Variants in TGM4 observed in about 807,000 individuals in gnomAD.
TGM4 encodes the protein transglutaminase 4.
In TGM4, 61 loss-of-function variants were observed where a neutral mutation model predicts 76.3. That is an observed-to-expected ratio of 0.80 (90% CI 0.65 to 0.99). The LOEUF (loss-of-function observed/expected upper bound fraction) is 0.99, where lower values mean the gene tolerates loss of function less well. Ranked by LOEUF, TGM4 falls within the 50% of genes least tolerant of loss-of-function variation. The probability of loss-of-function intolerance (pLI) is 0.00; values close to 1 mark genes in which losing one functional copy is unlikely to be tolerated. For synonymous variants in TGM4, 337 were observed against 329.8 expected (o/e 1.02, Z -0.24); for missense variants, 794 against 843.2 (o/e 0.94, Z 0.72).
intron 10 of TGM4, among the ~76,000 whole-genome samples, chr3:44,909,743 T>C (rs796757179): frequency 1.5e-4 from 23 of 152,344 alleles, no homozygotes; most frequent in African/African-American, 5.3e-4. Context: ...TTACTGAGAT[T>C]GTGCTGTTTT....
chr3:44,887,331 G>A (rs60919948), intron 2 of TGM4, among the ~76,000 whole-genome samples: 45,535 of 152,086 alleles, frequency 0.3, 8,106 homozygotes, highest in East Asian at 0.82. Context: ...CCCCTGCATT[G>A]CGTGGAGTGA....
At chr3:44,887,268 G>A (rs1699620263) in intron 2 of TGM4, among the ~76,000 whole-genome samples, 1 of 152,246 alleles carries the variant, frequency 6.6e-6, no homozygotes, top group Non-Finnish European at 1.5e-5. Context: ...ACAGCTTGCA[G>A]GGTAGGCGGT....
rs557718516 is a variant in TGM4, at chr3:44,885,747, G to A, written c.193+249G>A. On this transcript the variant is annotated intron_variant, in intron 2 of 13. Coordinates refer to ENST00000296125, the MANE Select transcript of TGM4 (RefSeq NM_003241.4). ...CAGGGGAGGGGCCAGAGCAGAGAGA[G>A]GAGGTGACTCAGCGGGCATCTGCCG... is the stretch of plus-strand genomic sequence containing the variant. Among the ~76,000 whole-genome samples, 2 of 152,306 alleles carry A rather than the reference G, an allele frequency of 1.3e-5. 1 individual carries two copies. Among genetic ancestry groups the A allele is most frequent in the South Asian group, 4.1e-4 (2 of 4,826 alleles).
Position 44,887,654 on chromosome 3 carries a change from T to A in TGM4, c.194-35T>A, listed in dbSNP as rs376363903. 146 of 1,593,746 alleles carry A rather than the reference T, an allele frequency of 9.2e-5. No individual in the cohort carries two copies. The Middle Eastern group carries it at 1.2e-3, about 13-fold the overall frequency. ...AGGAGATTGTCTTGGGGGTGGCCCA[T>A]GGCTGGGCCAATGTTTTCCTTTGGG... On this transcript the variant is annotated intron_variant, in intron 2 of 13. Coordinates refer to ENST00000296125, the MANE Select transcript of TGM4 (RefSeq NM_003241.4).
At chr3:44,884,307 A>G (rs1185164010) in intron 1 of TGM4, among the ~76,000 whole-genome samples, 1 of 152,144 alleles carries the variant, frequency 6.6e-6, no homozygotes, top group African/African-American at 2.4e-5. Flanking sequence ...GAGCCTGGGA[A>G]TGGTTTGAAT....
At chr3:44,908,916 T>A (rs1699963276) in intron 10 of TGM4, among the ~76,000 whole-genome samples, 1 of 152,166 alleles carries the variant, frequency 6.6e-6, no homozygotes, top group Non-Finnish European at 1.5e-5. Flanking sequence ...TTGTTAAAAA[T>A]TGGACATTTT....
At chr3:44,877,162 C>T (rs967719721) in intron 1 of TGM4, among the ~76,000 whole-genome samples, 4 of 151,942 alleles carry the variant, frequency 2.6e-5, no homozygotes, top group Non-Finnish European at 2.9e-5. Flanking sequence ...AAAAATTAGC[C>T]GTGGCCCAGC....
intron 4 of TGM4, among the ~76,000 whole-genome samples, chr3:44,891,000 G>A (rs1186363013): frequency 6.6e-6 from 1 of 152,180 alleles, no homozygotes; most frequent in African/African-American, 2.4e-5. Context: ...ACTGTACAGA[G>A]GCTGCCTTCG....
At chr3:44,878,955 C>T (rs188068268) in intron 1 of TGM4, among the ~76,000 whole-genome samples, 11 of 152,176 alleles carry the variant, frequency 7.2e-5, no homozygotes, top group East Asian at 1.9e-4. Flanking sequence ...CAAGACTCCG[C>T]GTCTCTAAAC....
chr3:44,902,636 A>T (rs994172209), intron 8 of TGM4, among the ~76,000 whole-genome samples: 2 of 144,098 alleles, frequency 1.4e-5, no homozygotes, highest in South Asian at 4.8e-4. Flanking sequence ...AACAAAAAAA[A>T]TGCAGATTCC....
At chr3:44,887,932 G>A in intron 3 of TGM4, 137 bp downstream of exon 3, 1 of 726,760 alleles carries the variant, frequency 1.4e-6, no homozygotes, top group Non-Finnish European at 2.3e-6. Context: ...CATGATAGAG[G>A]GGCCATGGCT....
chr3:44,896,874 T>C, intron 6 of TGM4, 58 bp downstream of exon 6: 1 of 1,479,120 alleles, frequency 6.8e-7, no homozygotes, highest in Non-Finnish European at 9.4e-7. Context: ...CTCAGCCTTT[T>C]TCTGTTTTTC....
At chr3:44,899,606 C>T (rs1319625533) in intron 6 of TGM4, 1 of 152,220 alleles carries the variant, frequency 6.6e-6, no homozygotes, top group Non-Finnish European at 1.5e-5. Context: ...GGCAGGGTCG[C>T]CTAAAGACGA....
At chr3:44,911,926 G>A (rs1482467086) in intron 13 of TGM4, among the ~76,000 whole-genome samples, 3 of 152,160 alleles carry the variant, frequency 2.0e-5, no homozygotes, top group South Asian at 2.1e-4. Context: ...CCGTCCCCAG[G>A]TTCAAGTGAT....
chr3:44,881,315 T>G (rs1021507806), intron 1 of TGM4, among the ~76,000 whole-genome samples: 2 of 152,220 alleles, frequency 1.3e-5, no homozygotes, highest in Admixed American at 6.5e-5. Context: ...GAAAGCTGTA[T>G]TTAATAATCA....
chr3:44,911,723 TCTA>T (rs1422611255), intron 13 of TGM4, among the ~76,000 whole-genome samples: 4 of 152,256 alleles, frequency 2.6e-5, no homozygotes, highest in African/African-American at 9.6e-5. Flanking sequence ...TGTCCATTTT[TCTA>T]CTGAGTCATT....
At chr3:44,895,439 C>A (rs1341752510) in intron 5 of TGM4, among the ~76,000 whole-genome samples, 2 of 152,120 alleles carry the variant, frequency 1.3e-5, no homozygotes, top group Non-Finnish European at 2.9e-5. Flanking sequence ...CCAGCCTGGG[C>A]AACATAGGGA....
chr3:44,886,279 T>C (rs901619879), intron 2 of TGM4, among the ~76,000 whole-genome samples: 7 of 152,088 alleles, frequency 4.6e-5, no homozygotes, highest in Non-Finnish European at 8.8e-5. Flanking sequence ...AGGTGGAGGT[T>C]GCAGGGAGGC....
rs142027211 is a variant in TGM4, at chr3:44,896,720, T to A, written c.561T>A (p.Asn187Lys). Residue 187 changes from asparagine (N) to lysine (K), a missense_variant, in exon 6 of 14, where the codon AAT (asparagine) becomes AAA (lysine). Transcript: ENST00000296125. Reference protein sequence around the residue: ...KPWNFGQFEKNVLDCCISLLT... With the variant: ...KPWNFGQFEKKVLDCCISLLT... The stretch of plus-strand genomic sequence containing the variant: ...ATTTCCCAAAATAGTTTGAGAAAAA[T>A]GTCCTGGACTGCTGCATTTCCCTGC... 7.4e-6 allele frequency: 12 copies of A among 1,613,950 alleles called. No homozygotes were observed. Among genetic ancestry groups the A allele is most frequent in the Middle Eastern group, 1.6e-4 (1 of 6,084 alleles).
Sources: gnomAD v4.1 joint callset for allele counts (sites outside exome capture counted in the v4.1 genomes callset) on GRCh38, gnomAD v4.1.1 for gene constraint, MANE v1.5 for transcripts, NCBI Gene and HGNC (gene_info 2026-07-23, HGNC 2026-07-21) for gene names.